FBP1: variants seen among roughly 807,000 people sequenced by gnomAD.
The protein encoded by FBP1 is fructose-1,6-bisphosphatase 1.
Under a neutral mutation model 29.9 loss-of-function variants are expected in FBP1, and 22 were observed. The observed-to-expected ratio is 0.74, with a 90% CI of 0.53 to 1.05. The LOEUF (loss-of-function observed/expected upper bound fraction) is 1.05, where lower values mean the gene tolerates loss of function less well. FBP1 is among the 50% of genes least tolerant of loss of function. The pLI is 0.00. For synonymous variants in FBP1, 175 were observed against 178.6 expected (o/e 0.98, Z 0.16); for missense variants, 345 against 448.2 (o/e 0.77, Z 2.08).
At chr9:94,626,033 G>T (rs147904769) in intron 1 of FBP1, among the ~76,000 whole-genome samples, 1 of 152,206 alleles carries the variant, frequency 6.6e-6, no homozygotes, top group Non-Finnish European at 1.5e-5. Flanking sequence ...CCATGACCCC[G>T]CTGGGTGGTG....
chr9:94,605,476 T>C lies in FBP1; in HGVS notation c.806A>G (p.Lys269Arg). 2 of 1,614,020 alleles carry C rather than the reference T, an allele frequency of 1.2e-6. No homozygotes were observed. The highest frequency in any genetic ancestry group is 8.5e-7 in the Non-Finnish European group (1 of 1,180,026). The stretch of plus-strand genomic sequence containing the variant: ...CCTTACCTTTCCATTGGGGCTCTTC[T>C]TGTTAGCGGGGTACAGAAATATCCC... ...YGGIFLYPAN[K>R]KSPNGKLRLL... The change falls in exon 6 of 7, where the codon AAG (lysine) becomes AGG (arginine). Residue 269 changes from lysine (K) to arginine (R), a missense_variant. By Grantham distance (26) the Lys-to-Arg change is conservative. Coordinates refer to ENST00000375326, the MANE Select transcript of FBP1 (RefSeq NM_000507.4).
chr9:94,608,077 G>T (rs1428335120), intron 4 of FBP1, among the ~76,000 whole-genome samples: 1 of 152,230 alleles, frequency 6.6e-6, no homozygotes, highest in Non-Finnish European at 1.5e-5. Context: ...GTTGCTGGGT[G>T]CAGAGCGCAG....
At chr9:94,639,072 G>A (rs1039566620) in intron 1 of FBP1, 69 bp downstream of exon 1, 53 of 1,503,022 alleles carry the variant, frequency 3.5e-5, no homozygotes, top group Non-Finnish European at 4.6e-5. Context: ...AGGGCCCAAC[G>A]TCAGCCCGCC....
intron 2 of FBP1, among the ~76,000 whole-genome samples, chr9:94,618,541 A>G (rs1827897471): frequency 6.7e-6 from 1 of 149,992 alleles, no homozygotes; most frequent in Admixed American, 6.7e-5. Flanking sequence ...GCTACTCAGG[A>G]GGCTGAGACA....
chr9:94,632,513 C>G (rs1351117657), intron 1 of FBP1, among the ~76,000 whole-genome samples: 1 of 152,010 alleles, frequency 6.6e-6, no homozygotes, highest in Non-Finnish European at 1.5e-5. Flanking sequence ...ACTAAAAATA[C>G]AAAAATTAGT....
At position 94,636,661 on chromosome 9, in the gene FBP1, T is replaced by G. The variant is rs144862731; in HGVS notation, c.170+2480A>C. ...TAGGGGTGTGAAAGGTACTGACACA[T>G]TTTTTAAACAATATCAGACATGACA... On this transcript the variant is annotated intron_variant, in intron 1 of 6. Coordinates refer to ENST00000375326, the MANE Select transcript of FBP1 (RefSeq NM_000507.4). Among the ~76,000 whole-genome samples the G allele has an allele frequency of 9.7e-4, 148 of 152,072 alleles. 1 individual carries two copies. Among genetic ancestry groups the G allele is most frequent in the African/African-American group, 3.5e-3 (145 of 41,488 alleles).
At chr9:94,636,466 C>T (rs796596733) in intron 1 of FBP1, among the ~76,000 whole-genome samples, 7 of 151,884 alleles carry the variant, frequency 4.6e-5, no homozygotes, top group African/African-American at 9.7e-5. Flanking sequence ...CAACAGAGTG[C>T]GACTCTATCT....
At chr9:94,612,549 A>ATT (rs561246840) in intron 3 of FBP1, among the ~76,000 whole-genome samples, 7,661 of 106,524 alleles carry the variant, frequency 0.072, 131 homozygotes, top group Non-Finnish European at 0.077. Context: ...CCAGCCCCCA[A>ATT]TTTTTTTTTT....
intron 1 of FBP1, among the ~76,000 whole-genome samples, chr9:94,634,281 G>C (rs919082633): frequency 1.4e-5 from 2 of 146,472 alleles, no homozygotes; most frequent in Non-Finnish European, 3.0e-5. Context: ...GCAACAGAGC[G>C]AGACTCTGCC....
chr9:94,635,083 T>C (rs1047361432), intron 1 of FBP1, among the ~76,000 whole-genome samples: 16 of 73,238 alleles, frequency 2.2e-4, no homozygotes, highest in African/African-American at 9.8e-4. Flanking sequence ...TGAGGCCCTG[T>C]CTCAAAAAAA....
Position 94,603,523 on chromosome 9 carries a change from G to A in FBP1, c.875C>T (p.Ala292Val). The change falls in exon 7 of 7, where the codon GCT (alanine) becomes GTT (valine). Residue 292 changes from alanine to valine, a missense_variant. Coordinates refer to ENST00000375326, the MANE Select transcript of FBP1 (RefSeq NM_000507.4). ...CTTCCCAGTGGTGGCCATTCCCCCAGCCTTCTCCATGACGTAGGCCATGGG... is the reference window on the plus strand; with the variant it reads ...CTTCCCAGTGGTGGCCATTCCCCCAACCTTCTCCATGACGTAGGCCATGGG... ...CNPMAYVMEK[A>V]GGMATTGKEA... is the part of the protein sequence containing the mutation. 1 of 1,614,148 alleles carries A rather than the reference G, an allele frequency of 6.2e-7. No homozygotes were observed. The highest frequency in any genetic ancestry group is 8.5e-7 in the Non-Finnish European group (1 of 1,180,012).
chr9:94,603,992 C>T (rs1002339397), intron 6 of FBP1: 1 of 310,922 alleles, frequency 3.2e-6, no homozygotes, highest in Admixed American at 4.4e-5. Flanking sequence ...TGGCTACAGA[C>T]ATCTGGAAAG....
chr9:94,604,770 A>G (rs1042505667), intron 6 of FBP1, among the ~76,000 whole-genome samples: 12 of 152,166 alleles, frequency 7.9e-5, no homozygotes, highest in Non-Finnish European at 1.2e-4. Context: ...GGCGACGAGT[A>G]AGACTCTGCC....
intron 5 of FBP1, among the ~76,000 whole-genome samples, chr9:94,606,035 G>T (rs28369755): frequency 6.6e-6 from 1 of 152,046 alleles, no homozygotes; most frequent in African/African-American, 2.4e-5. Context: ...TCGGGTGTGC[G>T]TGTGCGGAGC....
chr9:94,605,924 G>A (rs1472676859), intron 5 of FBP1, among the ~76,000 whole-genome samples: 2 of 152,206 alleles, frequency 1.3e-5, no homozygotes, highest in African/African-American at 4.8e-5. Context: ...GAACCGGGCA[G>A]GGGTGGGAGG....
chr9:94,630,813 C>T (rs932545012), intron 1 of FBP1, among the ~76,000 whole-genome samples: 1 of 152,114 alleles, frequency 6.6e-6, no homozygotes, highest in African/African-American at 2.4e-5. Context: ...GTGCAAAGCC[C>T]CTGAGTGGCT....
chr9:94,638,838 G>C (rs2296708), intron 1 of FBP1, among the ~76,000 whole-genome samples: 39,780 of 152,058 alleles, frequency 0.26, 6,502 homozygotes, highest in East Asian at 0.55. Flanking sequence ...CCGGCTGAGA[G>C]GGGTACGAGG....
chr9:94,603,612 A>G (rs752804188), intron 6 of FBP1, 40 bp from the exon 7 acceptor site: 1 of 1,585,526 alleles, frequency 6.3e-7, no homozygotes, highest in Non-Finnish European at 8.7e-7. Context: ...TTGTATCAGA[A>G]GGTATTGCGT....
At chr9:94,624,068 G>A (rs1452946618) in intron 1 of FBP1, among the ~76,000 whole-genome samples, 2 of 152,262 alleles carry the variant, frequency 1.3e-5, no homozygotes, top group Non-Finnish European at 1.5e-5. Flanking sequence ...GGGCACGGTG[G>A]CTCATGCCTG....
Sources: allele counts gnomAD v4.1 joint callset (sites outside exome capture counted in the v4.1 genomes callset), GRCh38; gene constraint gnomAD v4.1.1; transcripts MANE v1.5; gene names NCBI Gene and HGNC (gene_info 2026-07-23, HGNC 2026-07-21).